Variants in PLEKHF2 observed in about 807,000 individuals in gnomAD.
PLEKHF2 encodes pleckstrin homology and FYVE domain containing 2.
A neutral mutation model predicts 14.7 loss-of-function variants in PLEKHF2; 4 were observed. The observed-to-expected ratio is 0.27, with a 90% CI of 0.13 to 0.62. The LOEUF is 0.62. Among genes scored for constraint, PLEKHF2 ranks in the 20% least tolerant of loss-of-function variants. PLEKHF2 has a pLI of 0.85. For missense variants in PLEKHF2, 201 were observed against 307.7 expected (o/e 0.65, Z 2.60); for synonymous variants, 90 against 103.5 (o/e 0.87, Z 0.79).
chr8:95,155,287 A>G lies in PLEKHF2; in HGVS notation c.*493A>G, dbSNP rs1810605661. On this transcript the variant is annotated 3_prime_UTR_variant, in exon 2 of 2. Transcript: ENST00000315367. ...TTTTTCATATACCTAGTGGTGCCTT[A>G]TCATAATAGCACTGTTACATGAAAT... 5.7e-6 allele frequency: 1 copy of G among 174,210 alleles called. No individual in the cohort carries two copies. 10.8% of individuals were successfully genotyped at this position (174,210 alleles called of 1,614,324 possible). A position where few individuals can be genotyped will look rare whatever the true frequency, so the allele number is the denominator to read the frequency against.
chr8:95,150,503 G>A (rs1349990432), intron 1 of PLEKHF2, among the ~76,000 whole-genome samples: 1 of 152,044 alleles, frequency 6.6e-6, no homozygotes, highest in African/African-American at 2.4e-5. Context: ...TGTTTATGTT[G>A]GTCATTGTCA....
chr8:95,138,922 G>A (rs1810408688), intron 1 of PLEKHF2, among the ~76,000 whole-genome samples: 1 of 152,126 alleles, frequency 6.6e-6, no homozygotes, highest in African/African-American at 2.4e-5. Flanking sequence ...TGTATTATTG[G>A]AAATAGAATT....
intron 1 of PLEKHF2, among the ~76,000 whole-genome samples, chr8:95,153,322 C>A (rs1810581676): frequency 6.6e-6 from 1 of 152,106 alleles, no homozygotes; most frequent in African/African-American, 2.4e-5. Flanking sequence ...GTAAAAGGAA[C>A]AACAGTGAAA....
chr8:95,154,757 T>C lies in PLEKHF2; in HGVS notation c.713T>C (p.Met238Thr), dbSNP rs1415824040. ...TCATTGAAGTCTCCTTTAAATGATA[T>C]GTCTGATGATGATGACGATGATGAT... is the stretch of plus-strand genomic sequence containing the variant. The part of the protein sequence containing the change: ...SQSLKSPLND[M>T]SDDDDDDDSS... The change falls in exon 2 of 2, where the codon ATG becomes ACG. Residue 238 changes from methionine to threonine, a missense_variant. Physicochemically the swap from Met to Thr is moderately conservative, Grantham distance 81. Transcript: ENST00000315367. The surrounding 1 kb of genome is among the most constrained non-coding windows in gnomAD (Gnocchi z 5.6). 1.2e-6 allele frequency: 2 copies of C among 1,614,108 alleles called. No homozygotes were observed. Among genetic ancestry groups the C allele is most frequent in the East Asian group, 4.5e-5 (2 of 44,882 alleles).
chr8:95,139,225 C>T (rs1441800414), intron 1 of PLEKHF2, among the ~76,000 whole-genome samples: 5 of 151,922 alleles, frequency 3.3e-5, no homozygotes, highest in Non-Finnish European at 7.4e-5. Flanking sequence ...AAATGTTGGC[C>T]GGGTGCGGTG....
intron 1 of PLEKHF2, among the ~76,000 whole-genome samples, chr8:95,143,324 C>T (rs1313995522): frequency 6.6e-6 from 1 of 152,154 alleles, no homozygotes; most frequent in Non-Finnish European, 1.5e-5. Flanking sequence ...TGGTTTCGAT[C>T]TCCTGACCTT....
intron 1 of PLEKHF2, among the ~76,000 whole-genome samples, chr8:95,148,982 T>G (rs1328086282): frequency 6.6e-6 from 1 of 151,948 alleles, no homozygotes; most frequent in Non-Finnish European, 1.5e-5. Context: ...TGACTTCATG[T>G]CAAACACCAT....
chr8:95,138,256 G>A (rs866338480), intron 1 of PLEKHF2, among the ~76,000 whole-genome samples: 35 of 150,748 alleles, frequency 2.3e-4, no homozygotes, highest in Non-Finnish European at 4.6e-4. Flanking sequence ...CCCCAGTCTC[G>A]AAACATGTTG....
rs376316929 is a variant in PLEKHF2 at position 95,148,532 on chromosome 8, A to C, written c.-14-5499A>C. Among the ~76,000 whole-genome samples the C allele has an allele frequency of 4.7e-4, 71 of 152,250 alleles. 1 individual carries two copies. Among genetic ancestry groups the C allele is most frequent in the African/African-American group, 1.6e-3 (68 of 41,590 alleles). ...AATGGATTAAAGCAGATAGCCCAGA[A>C]GCAGATCTTAGAATAGGTAAAAATT... is the stretch of plus-strand genomic sequence containing the variant. On this transcript the variant is annotated intron_variant, in intron 1 of 1. Coordinates refer to ENST00000315367, the MANE Select transcript of PLEKHF2 (RefSeq NM_024613.4).
chr8:95,150,633 A>T (rs1483398965), intron 1 of PLEKHF2, among the ~76,000 whole-genome samples: 1 of 152,180 alleles, frequency 6.6e-6, no homozygotes, highest in East Asian at 1.9e-4. Context: ...TTTAGACTTA[A>T]TATATTGAAA....
At chr8:95,148,063 A>T (rs1421166576) in intron 1 of PLEKHF2, among the ~76,000 whole-genome samples, 1 of 151,996 alleles carries the variant, frequency 6.6e-6, no homozygotes, top group Non-Finnish European at 1.5e-5. Flanking sequence ...AGGACAAAAA[A>T]TGGAAATAAT....
At chr8:95,146,475 T>C (rs887709396) in intron 1 of PLEKHF2, among the ~76,000 whole-genome samples, 3 of 152,018 alleles carry the variant, frequency 2.0e-5, no homozygotes, top group Admixed American at 6.6e-5. Flanking sequence ...TCTATGACAT[T>C]TGGTCTCTCT....
chr8:95,145,442 T>C (rs1181739176), intron 1 of PLEKHF2, among the ~76,000 whole-genome samples: 1 of 148,562 alleles, frequency 6.7e-6, no homozygotes, highest in African/African-American at 2.5e-5. Flanking sequence ...AAATATTTCT[T>C]TTTTTTTTTT....
intron 1 of PLEKHF2, among the ~76,000 whole-genome samples, chr8:95,136,872 C>T (rs1810381307): frequency 6.6e-6 from 1 of 152,160 alleles, no homozygotes. Context: ...AGTTGGAAAA[C>T]CTCTCTAGGT....
chr8:95,145,590 AT>A (rs1225298388), intron 1 of PLEKHF2, among the ~76,000 whole-genome samples: 4 of 151,828 alleles, frequency 2.6e-5, no homozygotes, highest in Non-Finnish European at 5.9e-5. Context: ...CGCCTGGCTA[AT>A]TTTTTTGTGT....
intron 1 of PLEKHF2, among the ~76,000 whole-genome samples, chr8:95,136,660 A>C (rs1431133552): frequency 3.3e-5 from 5 of 152,230 alleles, no homozygotes; most frequent in Non-Finnish European, 7.3e-5. Context: ...AGCTCTATCA[A>C]TTATTGTTTT....
chr8:95,143,872 A>C (rs1223038264), intron 1 of PLEKHF2, among the ~76,000 whole-genome samples: 1 of 152,214 alleles, frequency 6.6e-6, no homozygotes, highest in Non-Finnish European at 1.5e-5. Context: ...GCTATAGTTA[A>C]AGAATATTAA....
chr8:95,146,840 T>C (rs1025954981), intron 1 of PLEKHF2, among the ~76,000 whole-genome samples: 2 of 151,574 alleles, frequency 1.3e-5, no homozygotes, highest in African/African-American at 4.8e-5. Flanking sequence ...GGAAAACTGT[T>C]GAAATTAATG....
At chr8:95,146,599 A>G (rs1287914834) in intron 1 of PLEKHF2, among the ~76,000 whole-genome samples, 1 of 151,956 alleles carries the variant, frequency 6.6e-6, no homozygotes, top group Non-Finnish European at 1.5e-5. Flanking sequence ...ATGTTACTTT[A>G]AAAGCAAGAT....
Sources: gnomAD v4.1 joint callset for allele counts (sites outside exome capture counted in the v4.1 genomes callset) on GRCh38, gnomAD v4.1.1 for gene constraint, Gnocchi (gnomAD v3.1) non-coding constraint, MANE v1.5 for transcripts, NCBI Gene and HGNC (gene_info 2026-07-23, HGNC 2026-07-21) for gene names.